Variants in CLPB observed in about 807,000 individuals in gnomAD.
CLPB encodes ClpB family mitochondrial disaggregase, also known as mitochondrial disaggregase.
A neutral mutation model predicts 78.4 loss-of-function variants in CLPB; 40 were observed. That is an observed-to-expected ratio of 0.51 (90% CI 0.40 to 0.66). CLPB has a LOEUF of 0.66. CLPB is among the 30% of genes least tolerant of loss of function. CLPB has a pLI of 0.00. For synonymous variants in CLPB, 333 were observed against 348.0 expected (o/e 0.96, Z 0.48); for missense variants, 780 against 886.9 (o/e 0.88, Z 1.53).
At chr11:72,318,391 G>T (rs1565434782) in intron 6 of CLPB, among the ~76,000 whole-genome samples, 1 of 152,184 alleles carries the variant, frequency 6.6e-6, no homozygotes, top group African/African-American at 2.4e-5. Context: ...TGGAGAACAG[G>T]CAAGGAGGGG....
At chr11:72,322,546 G>C (rs1590793368) in intron 6 of CLPB, among the ~76,000 whole-genome samples, 1 of 152,310 alleles carries the variant, frequency 6.6e-6, no homozygotes, top group African/African-American at 2.4e-5. Context: ...CTAGCCAGTG[G>C]AGTAAACTAG....
chr11:72,400,997 C>T (rs1855544808), intron 3 of CLPB, among the ~76,000 whole-genome samples: 1 of 152,158 alleles, frequency 6.6e-6, no homozygotes, highest in South Asian at 2.1e-4. Flanking sequence ...TGGCTCAAGG[C>T]AGATATTTAC....
At chr11:72,335,490 T>C (rs1035075737) in intron 5 of CLPB, among the ~76,000 whole-genome samples, 5 of 152,174 alleles carry the variant, frequency 3.3e-5, no homozygotes, top group Admixed American at 3.3e-4. Flanking sequence ...AGATTTTTCA[T>C]ATATGAGTCC....
chr11:72,366,808 A>G (rs1048963385), intron 4 of CLPB, among the ~76,000 whole-genome samples: 5 of 152,220 alleles, frequency 3.3e-5, no homozygotes, highest in Non-Finnish European at 7.3e-5. Flanking sequence ...GCCACTATGG[A>G]AAGCTGTTTG....
rs557418417 is a variant in CLPB, at chr11:72,312,823, G to A, written c.989-4219C>T. Reference sequence around the variant, plus strand: ...CTCAAAAAAGGTGCGTGCCATAGAGGTAAAGGCTGCTATGAAAACTGTGGG... The same window carrying A: ...CTCAAAAAAGGTGCGTGCCATAGAGATAAAGGCTGCTATGAAAACTGTGGG... On this transcript the variant is annotated intron_variant, in intron 7 of 15. Coordinates refer to ENST00000538039, the MANE Select transcript of CLPB (RefSeq NM_001258392.3). This position sits in a 1 kb window ranked among gnomAD's most constrained non-coding sequence, Gnocchi z 4.2. Among the ~76,000 whole-genome samples, 39 of 152,294 alleles carry A rather than the reference G, an allele frequency of 2.6e-4. No homozygotes were observed. The highest frequency in any genetic ancestry group is 8.4e-4 in the African/African-American group (35 of 41,564).
chr11:72,354,299 A>G, intron 5 of CLPB: 1 of 394,038 alleles, frequency 2.5e-6, no homozygotes, highest in Non-Finnish European at 4.5e-6. Context: ...ATATATATAT[A>G]GCTAGTACCA....
At chr11:72,329,031 A>G (rs968056632) in intron 6 of CLPB, among the ~76,000 whole-genome samples, 2 of 152,166 alleles carry the variant, frequency 1.3e-5, no homozygotes, top group African/African-American at 4.8e-5. Context: ...AAGATTTCCC[A>G]TCACTGGACT....
chr11:72,356,880 T>G (rs1036111106), intron 5 of CLPB: 1 of 152,218 alleles, frequency 6.6e-6, no homozygotes, highest in African/African-American at 2.4e-5. Flanking sequence ...GGACAATAGC[T>G]GGGAGTATTG....
chr11:72,362,287 T>C (rs533951421), intron 4 of CLPB, among the ~76,000 whole-genome samples: 54 of 152,334 alleles, frequency 3.5e-4, no homozygotes, highest in African/African-American at 1.2e-3. Flanking sequence ...CTCCCAATTC[T>C]AGTATTTATT....
rs1326008701 is a variant in CLPB at position 72,289,676 on chromosome 11, T to A, written c.*3691A>T. ...GCCTCAACCTTCTGAACTCAAGCGATCCTCCTGCCTCAGCCTCCTACGTAG... is the reference window on the plus strand; with the variant it reads ...GCCTCAACCTTCTGAACTCAAGCGAACCTCCTGCCTCAGCCTCCTACGTAG... On this transcript the variant is annotated 3_prime_UTR_variant, in exon 16 of 16. Coordinates refer to ENST00000538039, the MANE Select transcript of CLPB (RefSeq NM_001258392.3). 6.6e-6 allele frequency: 1 copy of A among 152,156 alleles called. No individual in the cohort carries two copies. Among genetic ancestry groups the A allele is most frequent in the East Asian group, 1.9e-4 (1 of 5,196 alleles). 9.4% of individuals were successfully genotyped at this position (152,156 alleles called of 1,614,324 possible). A position where few individuals can be genotyped will look rare whatever the true frequency, so the allele number is the denominator to read the frequency against.
intron 5 of CLPB, among the ~76,000 whole-genome samples, chr11:72,347,467 A>C (rs1950537300): frequency 6.6e-6 from 1 of 152,158 alleles, no homozygotes. Context: ...AAAAACCAAA[A>C]GCTATCTCTT....
intron 2 of CLPB, among the ~76,000 whole-genome samples, chr11:72,429,265 T>C (rs10793029): frequency 0.83 from 126,542 of 152,220 alleles, 52,764 homozygotes; most frequent in African/African-American, 0.89. Context: ...CCAGCCCATA[T>C]TTCCAAAAGT....
chr11:72,433,597 GTCAAGC>G (rs1169200169), intron 1 of CLPB, among the ~76,000 whole-genome samples: 1 of 149,756 alleles, frequency 6.7e-6, no homozygotes, highest in African/African-American at 2.5e-5. Flanking sequence ...ATAAATTGAG[GTCAAGC>G]TGGCATTAGA....
intron 2 of CLPB, among the ~76,000 whole-genome samples, chr11:72,428,104 G>C (rs1298118564): frequency 6.6e-6 from 1 of 152,144 alleles, no homozygotes; most frequent in Non-Finnish European, 1.5e-5. Context: ...GTTTCCTTGA[G>C]ACCAGGGCCT....
intron 2 of CLPB, chr11:72,408,175 C>T: frequency 6.5e-7 from 1 of 1,535,630 alleles, no homozygotes; most frequent in Non-Finnish European, 8.7e-7. Flanking sequence ...AGCTTCTTGA[C>T]TGAGCATCAT....
chr11:72,378,973 G>A (rs1364496460), intron 4 of CLPB, among the ~76,000 whole-genome samples: 5 of 152,204 alleles, frequency 3.3e-5, no homozygotes, highest in African/African-American at 1.2e-4. Context: ...TCTAGCCTTA[G>A]CAATGGAGCC....
At chr11:72,408,924 G>A (rs563181555) in intron 2 of CLPB, among the ~76,000 whole-genome samples, 1 of 152,326 alleles carries the variant, frequency 6.6e-6, no homozygotes, top group Non-Finnish European at 1.5e-5. Context: ...GGCGTTTGAG[G>A]CCTGAGAAAG....
intron 5 of CLPB, chr11:72,354,324 G>A (rs1201118346): frequency 2.5e-6 from 1 of 397,944 alleles, no homozygotes; most frequent in African/African-American, 2.1e-5. Context: ...AGATTCCTGG[G>A]AGAGAAGTTA....
chr11:72,377,864 C>T (rs1051768520), intron 4 of CLPB, among the ~76,000 whole-genome samples: 15 of 152,222 alleles, frequency 9.9e-5, no homozygotes, highest in Non-Finnish European at 1.6e-4. Context: ...AACATATCCA[C>T]ATCACTTCGT....
Sources: allele counts gnomAD v4.1 joint callset (sites outside exome capture counted in the v4.1 genomes callset), GRCh38; gene constraint gnomAD v4.1.1; non-coding constraint Gnocchi (gnomAD v3.1); transcripts MANE v1.5; gene names NCBI Gene and HGNC (gene_info 2026-07-23, HGNC 2026-07-21).